The following URGCP variants were observed in gnomAD, a reference collection of about 807,000 sequenced individuals.
The protein encoded by URGCP is upregulator of cell proliferation.
In URGCP, 13 loss-of-function variants were observed where a neutral mutation model predicts 24.6. That is an observed-to-expected ratio of 0.53 (90% CI 0.34 to 0.84). The LOEUF (loss-of-function observed/expected upper bound fraction) is 0.84. Ranked by LOEUF, URGCP falls within the 40% of genes least tolerant of loss-of-function variation. The pLI is 0.01. For synonymous variants in URGCP, 444 were observed against 487.2 expected (o/e 0.91, Z 1.17); for missense variants, 899 against 1,194.3 (o/e 0.75, Z 3.64).
At chr7:43,923,271 T>C (rs1378192623) in intron 1 of URGCP, among the ~76,000 whole-genome samples, 4 of 146,592 alleles carry the variant, frequency 2.7e-5, no homozygotes, top group Non-Finnish European at 4.4e-5. Context: ...TGTGAGCCAC[T>C]GTGCCCAGCC....
In URGCP at chr7:43,878,159, A is replaced by C; in HGVS notation, c.1304T>G (p.Val435Gly). 1 of 1,614,142 alleles carries C rather than the reference A, an allele frequency of 6.2e-7. No homozygotes were observed. The highest frequency in any genetic ancestry group is 8.5e-7 in the Non-Finnish European group (1 of 1,180,026). The change falls in exon 6 of 6, where the codon GTT becomes GGT. Residue 435 changes from valine (V) to glycine (G), a missense_variant. By Grantham distance (109) the Val-to-Gly change is moderately radical. Transcript: ENST00000453200. This position sits in a 1 kb window ranked among gnomAD's most constrained non-coding sequence, Gnocchi z 5.6. ...GCAGGGTGCCCGCAGCACATTCCCA[A>C]CGATGGCCCGGATCCTCTTCACGAA... ...DSFVKRIRAI[V>G]GNVLRAPCRR...
chr7:43,882,085 T>C, intron 3 of URGCP, 128 bp from the exon 4 acceptor site: 1 of 1,485,348 alleles, frequency 6.7e-7, no homozygotes, highest in South Asian at 1.3e-5. Flanking sequence ...AGTGCTTGAG[T>C]CCAGGAGTTT....
intron 1 of URGCP, among the ~76,000 whole-genome samples, chr7:43,897,506 G>A (rs1220858369): frequency 6.6e-6 from 1 of 152,156 alleles, no homozygotes; most frequent in African/African-American, 2.4e-5. Flanking sequence ...GTGAGTAGGA[G>A]AAGGCAGCAG....
chr7:43,883,358 A>ATTTTTTTT (rs1490751876), intron 3 of URGCP, among the ~76,000 whole-genome samples: 2 of 95,858 alleles, frequency 2.1e-5, no homozygotes, highest in Non-Finnish European at 3.8e-5. Flanking sequence ...ATATATATAT[A>ATTTTTTTT]TATATTTTTT....
chr7:43,908,916 C>T (rs953587123), upstream of URGCP, among the ~76,000 whole-genome samples: 6 of 152,160 alleles, frequency 3.9e-5, no homozygotes, highest in Admixed American at 1.3e-4. Context: ...GAAACTTTCC[C>T]GTGGCCCGTA....
chr7:43,883,235 G>A (rs2095856608), intron 3 of URGCP, among the ~76,000 whole-genome samples: 1 of 150,062 alleles, frequency 6.7e-6, no homozygotes, highest in Non-Finnish European at 1.5e-5. Flanking sequence ...AGGAAGGAGG[G>A]AGCAAGACTT....
Position 43,876,178 on chromosome 7 carries a change from T to G in URGCP, c.*489A>C. 2 of 160,244 alleles carry G rather than the reference T, an allele frequency of 1.2e-5. No individual in the cohort carries two copies. The highest frequency in any genetic ancestry group is 2.7e-5 in the Non-Finnish European group (2 of 73,084). 9.9% of individuals were successfully genotyped at this position (160,244 alleles called of 1,614,324 possible). A position where few individuals can be genotyped will look rare whatever the true frequency, so the allele number is the denominator to read the frequency against. On this transcript the variant is annotated 3_prime_UTR_variant, in exon 6 of 6. Transcript: ENST00000453200. ...GTCAATAAATACGGTGCCATGGGAGTGCCTTGCACACCACGGGCACTCACA... is the reference window on the plus strand; with the variant it reads ...GTCAATAAATACGGTGCCATGGGAGGGCCTTGCACACCACGGGCACTCACA...
chr7:43,894,809 C>A (rs1029525115), intron 1 of URGCP, among the ~76,000 whole-genome samples: 7 of 152,178 alleles, frequency 4.6e-5, no homozygotes, highest in Admixed American at 2.6e-4. Flanking sequence ...GCAGGAGGAT[C>A]GCTTGAGCTA....
rs1011938146 is a variant in URGCP, at chr7:43,920,110, G to A, written c.-116+6022C>T. ...TGCCTTACTGGTTGACCAAGGCCCT[G>A]CCTGACTGACCACTCACTTAGAGCA... is the stretch of plus-strand genomic sequence containing the variant. On this transcript the variant is annotated intron_variant, in intron 1 of 5. Transcript: ENST00000426198. The A allele has an allele frequency of 4.2e-6, 4 of 954,982 alleles. No homozygotes were observed. The African/African-American group carries it at 6.5e-5, about 16-fold the overall frequency. 59.2% of individuals were successfully genotyped at this position (954,982 alleles called of 1,614,324 possible). A position where few individuals can be genotyped will look rare whatever the true frequency, so the allele number is the denominator to read the frequency against.
At chr7:43,909,051 C>T (rs528476297), upstream of URGCP, among the ~76,000 whole-genome samples, 6 of 152,016 alleles carry the variant, frequency 3.9e-5, no homozygotes, top group Non-Finnish European at 8.8e-5. Context: ...TAATAAATAT[C>T]CTTATAGCCA....
chr7:43,919,363 A>G, intron 1 of URGCP: 1 of 849,040 alleles, frequency 1.2e-6, no homozygotes, highest in Non-Finnish European at 2.1e-6. Flanking sequence ...CACATCCAGA[A>G]CCCATCCTTC....
At chr7:43,921,898 CTT>C (rs1034850495) in intron 1 of URGCP, among the ~76,000 whole-genome samples, 1 of 146,528 alleles carries the variant, frequency 6.8e-6, no homozygotes, top group African/African-American at 2.5e-5. Flanking sequence ...TTTTCTTTTT[CTT>C]TTTTTTTTTG....
rs564978178 is a variant in URGCP, at chr7:43,924,216, C to G, written c.-116+1916G>C. Among the ~76,000 whole-genome samples the G allele has an allele frequency of 3.3e-5, 5 of 152,210 alleles. No individual in the cohort carries two copies. In the South Asian group the frequency reaches 1.0e-3, roughly 32 times the overall value. ...CATTTCTGTACATCTAAAATTATTTCAATGTTAAAAATGAAACATTACATA... is the reference window on the plus strand; with the variant it reads ...CATTTCTGTACATCTAAAATTATTTGAATGTTAAAAATGAAACATTACATA... On this transcript the variant is annotated intron_variant, in intron 1 of 5. Transcript: ENST00000426198.
Position 43,883,360 on chromosome 7 carries a change from A to ATTTTTT in URGCP, c.113-1404_113-1403insAAAAAA, listed in dbSNP as rs1379068898. On this transcript the variant is annotated intron_variant, in intron 3 of 5. Transcript: ENST00000453200. ...TACATATATATATATATATATATAT[A>ATTTTTT]TATTTTTTTTTTTTTTTTGAGATGG... 3.3e-3 allele frequency among the ~76,000 whole-genome samples: 320 copies of ATTTTTT among 98,154 alleles called. 1 individual carries two copies. The highest frequency in any genetic ancestry group is 5.8e-3 in the Middle Eastern group (1 of 172). The allele number at this position is 98,154 out of a possible 152,430, so 64.4% of individuals were successfully genotyped here. A position where few individuals can be genotyped will look rare whatever the true frequency, so the allele number is the denominator to read the frequency against.
intron 1 of URGCP, among the ~76,000 whole-genome samples, chr7:43,900,947 A>G (rs1198895664): frequency 2.0e-5 from 3 of 152,224 alleles, no homozygotes; most frequent in Admixed American, 2.0e-4. Flanking sequence ...AACAAAAACT[A>G]CAGAATCCAA....
At chr7:43,895,173 A>AT (rs1371124689) in intron 1 of URGCP, among the ~76,000 whole-genome samples, 36 of 152,344 alleles carry the variant, frequency 2.4e-4, no homozygotes, top group Admixed American at 8.5e-4. Flanking sequence ...ATAAGAACTG[A>AT]TATCTAGAGT....
rs553392768 is a variant in URGCP at position 43,915,402 on chromosome 7, A to T, written c.-116+10730T>A. 2.6e-4 allele frequency among the ~76,000 whole-genome samples: 39 copies of T among 152,306 alleles called. 1 individual carries two copies. The South Asian group carries it at 7.9e-3, about 31-fold the overall frequency. On this transcript the variant is annotated intron_variant, in intron 1 of 5. Coordinates refer to the URGCP transcript ENST00000426198. ...TGCACCCCCTCACCCCATTGCTCTC[A>T]GGGACTGGGAATGTCAGCCTTGGTC...
intron 1 of URGCP, among the ~76,000 whole-genome samples, chr7:43,890,382 T>C (rs2095868938): frequency 6.6e-6 from 1 of 151,012 alleles, no homozygotes; most frequent in Admixed American, 6.6e-5. Context: ...GCCCGGCTAA[T>C]TTTTTTGTAT....
chr7:43,912,906 A>G (rs966555000), intron 1 of URGCP, among the ~76,000 whole-genome samples: 9 of 151,598 alleles, frequency 5.9e-5, no homozygotes, highest in African/African-American at 2.2e-4. Context: ...GCTGGAATGT[A>G]GTGGCATGAT....
Sources: allele counts gnomAD v4.1 joint callset (sites outside exome capture counted in the v4.1 genomes callset), GRCh38; gene constraint gnomAD v4.1.1; non-coding constraint Gnocchi (gnomAD v3.1); transcripts MANE v1.5; gene names NCBI Gene and HGNC (gene_info 2026-07-23, HGNC 2026-07-21).